The following BRCA2 variants were observed in gnomAD, a reference collection of about 807,000 sequenced individuals.
The protein encoded by BRCA2 is breast cancer type 2 susceptibility protein.
Under a neutral mutation model 276.7 loss-of-function variants are expected in BRCA2, and 203 were observed. That is an observed-to-expected ratio of 0.73 (90% CI 0.65 to 0.82). The LOEUF (loss-of-function observed/expected upper bound fraction) is 0.82. Ranked by LOEUF, BRCA2 falls within the 40% of genes least tolerant of loss-of-function variation. The probability of loss-of-function intolerance (pLI) is 0.00; values close to 1 mark genes in which losing one functional copy is unlikely to be tolerated. For missense variants in BRCA2, 3,920 were observed against 3,915.0 expected, an observed-to-expected ratio of 1.00 and a Z score of -0.03; for synonymous variants, 1,289 against 1,338.4, an observed-to-expected ratio of 0.96 and a Z score of 0.81.
chr13:32,385,397 A>G lies in BRCA2; in HGVS notation c.9256+5252A>G, dbSNP rs542551. 0.23 allele frequency: 50,643 copies of G among 216,724 alleles called. 6,426 individuals carry two copies. Among genetic ancestry groups the G allele is most frequent in the South Asian group, 0.3 (3,597 of 12,036 alleles). The allele number at this position is 216,724 out of a possible 1,614,324, so 13.4% of individuals were successfully genotyped here. ...AAGTACTTTGAAGGAGCTCTGGCCA[A>G]TACGTCCATGCAGACCTTTGTCTTT... is the stretch of plus-strand genomic sequence containing the variant. On this transcript the variant is annotated intron_variant, in intron 24 of 26. Transcript: ENST00000380152.
intron 24 of BRCA2, among the ~76,000 whole-genome samples, chr13:32,388,159 C>G (rs1029641709): frequency 6.7e-6 from 1 of 149,066 alleles, no homozygotes; most frequent in Non-Finnish European, 1.5e-5. Context: ...CACTCTGTTG[C>G]CCAGGCTGGA....
At chr13:32,362,941 A>G (rs1468141991) in intron 17 of BRCA2, among the ~76,000 whole-genome samples, 2 of 151,862 alleles carry the variant, frequency 1.3e-5, no homozygotes, top group African/African-American at 2.4e-5. Flanking sequence ...ATGAGTTACT[A>G]ATTTGATCCA....
intron 8 of BRCA2, among the ~76,000 whole-genome samples, chr13:32,330,219 C>G (rs2137459885): frequency 6.6e-6 from 1 of 152,274 alleles, no homozygotes; most frequent in East Asian, 1.9e-4. Context: ...TGTTTTCTAC[C>G]CACAAATGTA....
chr13:32,394,446 G>A (rs184157337), intron 24 of BRCA2, among the ~76,000 whole-genome samples: 9 of 152,312 alleles, frequency 5.9e-5, no homozygotes, highest in East Asian at 5.8e-4. Context: ...CAATGTGTGC[G>A]TATACCTGCT....
chr13:32,338,599 A>G lies in BRCA2; in HGVS notation c.4244A>G (p.Glu1415Gly), dbSNP rs1060502399. ...NKEQLTATKT[E>G]QNIKDFETSD... is the part of the protein sequence containing the mutation. ...GAACAGTTAACTGCTACTAAAACGG[A>G]GCAAAATATAAAAGATTTTGAGACT... Residue 1415 changes from glutamate (E) to glycine (G), a missense_variant, in exon 11 of 27, where the codon GAG becomes GGG. Glu to Gly is a moderately conservative substitution (Grantham distance 98, BLOSUM62 -2). Coordinates refer to ENST00000380152, the MANE Select transcript of BRCA2 (RefSeq NM_000059.4). 3 of 1,596,274 alleles carry G rather than the reference A, an allele frequency of 1.9e-6. No individual in the cohort carries two copies. The African/African-American group carries it at 4.0e-5, about 22-fold the overall frequency.
intron 24 of BRCA2, among the ~76,000 whole-genome samples, chr13:32,384,304 A>G (rs1566255112): frequency 6.6e-6 from 1 of 152,170 alleles, no homozygotes; most frequent in African/African-American, 2.4e-5. Flanking sequence ...CCTGCAGGAA[A>G]GGGTGACGGT....
At chr13:32,345,309 C>T (rs1313589513) in intron 12 of BRCA2, among the ~76,000 whole-genome samples, 2 of 152,064 alleles carry the variant, frequency 1.3e-5, no homozygotes, top group African/African-American at 4.8e-5. Flanking sequence ...TCTTGAGAAA[C>T]GCACTGAAGT....
At chr13:32,398,071 T>G in intron 26 of BRCA2, 91 bp from the exon 27 acceptor site, 1 of 1,373,566 alleles carries the variant, frequency 7.3e-7, no homozygotes, top group East Asian at 2.3e-5. Context: ...AATATTTGCG[T>G]GCTTAAATAT....
intron 24 of BRCA2, 103 bp from the exon 25 acceptor site, chr13:32,394,586 G>T (rs2137651096): frequency 7.3e-7 from 1 of 1,365,330 alleles, no homozygotes; most frequent in Non-Finnish European, 1.0e-6. Context: ...TTTATTATTA[G>T]CATATACCAA....
At chr13:32,321,306 C>A (rs1387954754) in intron 3 of BRCA2, among the ~76,000 whole-genome samples, 1 of 152,160 alleles carries the variant, frequency 6.6e-6, no homozygotes, top group Non-Finnish European at 1.5e-5. Context: ...TGTCCTTTGA[C>A]CTCTAAGTAC....
Position 32,399,227 on chromosome 13 carries a change from AT to A in BRCA2, c.*461del. On this transcript the variant is annotated 3_prime_UTR_variant, in exon 27 of 27. Transcript: ENST00000380152. ...ATTTTACAAGTGAAATAAACATACC[AT>A]TTTCTTTTAGATTGTGTCATTAAAT... 4.9e-6 allele frequency: 1 copy of A among 205,980 alleles called. No individual in the cohort carries two copies. The allele number at this position is 205,980 out of a possible 1,614,324, so 12.8% of individuals were successfully genotyped here.
rs80359651 is a variant in BRCA2 at position 32,355,268 on chromosome 13, AGT to A, written c.7419_7420del (p.Cys2473Ter). 6 of 1,613,784 alleles carry A rather than the reference AGT, an allele frequency of 3.7e-6. No homozygotes were observed. Among genetic ancestry groups the A allele is most frequent in the Non-Finnish European group, 5.1e-6 (6 of 1,179,816 alleles). Reference sequence around the variant, plus strand: ...CAAGCAGTAGCTGTAACTTTCACAAAGTGTGAAGAAGAACCTTTAGGTATTGT... The same window carrying A: ...CAAGCAGTAGCTGTAACTTTCACAAAGTGAAGAAGAACCTTTAGGTATTGT... On this transcript the variant is annotated frameshift_variant, in exon 14 of 27. Coordinates refer to ENST00000380152, the MANE Select transcript of BRCA2 (RefSeq NM_000059.4). LOFTEE classifies it high-confidence loss of function.
In BRCA2 at chr13:32,339,329, G is replaced by A. The variant is rs1555284012; in HGVS notation, c.4974G>A (p.Gln1658=). Residue 1658 remains glutamine (Q), a synonymous_variant, in exon 11 of 27, where the codon CAG becomes CAA. Transcript: ENST00000380152. ...AKSPATCYTN[Q]SPYSVIENSA... ...GTCCTGCAACTTGTTACACAAATCAGTCCCCTTATTCAGTCATTGAAAATT... is the reference window on the plus strand; with the variant it reads ...GTCCTGCAACTTGTTACACAAATCAATCCCCTTATTCAGTCATTGAAAATT... The A allele has an allele frequency of 6.3e-7, 1 of 1,599,280 alleles. No individual in the cohort carries two copies. Among genetic ancestry groups the A allele is most frequent in the Non-Finnish European group, 8.5e-7 (1 of 1,174,478 alleles).
intron 15 of BRCA2, 53 bp downstream of exon 15, chr13:32,356,662 T>G (rs1351696782): frequency 1.3e-6 from 2 of 1,567,524 alleles, no homozygotes; most frequent in African/African-American, 2.7e-5. Context: ...GTAATTTTAT[T>G]TCATTAACTA....
chr13:32,379,310 G>A lies in BRCA2; in HGVS notation c.8755-7G>A, dbSNP rs2072896676. The A allele has an allele frequency of 6.2e-7, 1 of 1,613,170 alleles. No homozygotes were observed. The highest frequency in any genetic ancestry group is 8.5e-7 in the Non-Finnish European group (1 of 1,179,534). The stretch of plus-strand genomic sequence containing the variant: ...GCTTTTTATTCCAATATCTTAAATG[G>A]TCACAGGGTTATTTCAGTGAAGAGC... On this transcript the variant is annotated splice_region_variant and splice_polypyrimidine_tract_variant and intron_variant, in intron 21 of 26. Transcript: ENST00000380152.
chr13:32,365,632 C>T (rs1445311483), intron 18 of BRCA2, among the ~76,000 whole-genome samples: 1 of 151,938 alleles, frequency 6.6e-6, no homozygotes, highest in Non-Finnish European at 1.5e-5. Context: ...CCTGCCTCAG[C>T]CTCCCAAAGT....
At chr13:32,370,281 A>T (rs2072817552) in intron 18 of BRCA2, 121 bp from the exon 19 acceptor site, 1 of 979,108 alleles carries the variant, frequency 1.0e-6, no homozygotes, top group Non-Finnish European at 1.6e-6. Flanking sequence ...TAATCTTCCT[A>T]AGACTTTTTA....
intron 18 of BRCA2, among the ~76,000 whole-genome samples, chr13:32,366,650 C>T (rs531082641): frequency 1.3e-5 from 2 of 151,932 alleles, no homozygotes; most frequent in South Asian, 2.1e-4. Flanking sequence ...GGTGAAACCC[C>T]GTCTCTACTA....
In BRCA2 at chr13:32,339,404, G is replaced by C. The variant is rs773973434; in HGVS notation, c.5049G>C (p.Gln1683His). 3.8e-6 allele frequency: 6 copies of C among 1,595,932 alleles called. No individual in the cohort carries two copies. The highest frequency in any genetic ancestry group is 4.3e-6 in the Non-Finnish European group (5 of 1,172,514). ...GTAGTAGAAAAACTTCTGTGAGTCA[G>C]ACTTCATTACTTGAAGCAAAAAAAT... ...TSCSRKTSVS[Q>H]TSLLEAKKWL... Residue 1683 changes from glutamine to histidine, a missense_variant, in exon 11 of 27, where the codon CAG becomes CAC. Physicochemically the swap from Gln to His is conservative, Grantham distance 24. Coordinates refer to ENST00000380152, the MANE Select transcript of BRCA2 (RefSeq NM_000059.4).
Sources: allele counts gnomAD v4.1 joint callset (sites outside exome capture counted in the v4.1 genomes callset), GRCh38; gene constraint gnomAD v4.1.1; transcripts MANE v1.5; gene names NCBI Gene and HGNC (gene_info 2026-07-23, HGNC 2026-07-21).